The following ATP8A2 variants were observed in gnomAD, a reference collection of about 807,000 sequenced individuals.
ATP8A2 encodes phospholipid-transporting ATPase IB.
A neutral mutation model predicts 165.6 loss-of-function variants in ATP8A2; 100 were observed. That is an observed-to-expected ratio of 0.60 (90% CI 0.51 to 0.71). The LOEUF (loss-of-function observed/expected upper bound fraction) is 0.71. Ranked by LOEUF, ATP8A2 falls within the 30% of genes least tolerant of loss-of-function variation. The pLI, the probability that ATP8A2 is intolerant of heterozygous loss-of-function variation, is 0.00. For missense variants in ATP8A2, 1,227 were observed against 1,479.5 expected (o/e 0.83, Z 2.80); for synonymous variants, 543 against 548.8 (o/e 0.99, Z 0.15).
intron 24 of ATP8A2, among the ~76,000 whole-genome samples, chr13:25,619,595 C>T (rs1192313749): frequency 6.6e-6 from 1 of 152,028 alleles, no homozygotes; most frequent in Non-Finnish European, 1.5e-5. Context: ...TGTAGCACAG[C>T]AGATGTGAGA....
chr13:25,874,659 G>C (rs1026917537), intron 33 of ATP8A2, among the ~76,000 whole-genome samples: 6 of 152,120 alleles, frequency 3.9e-5, no homozygotes, highest in African/African-American at 1.4e-4. Flanking sequence ...CAGCACGGAG[G>C]TGGCTCAAGA....
At chr13:25,726,354 G>A (rs1208887599) in intron 25 of ATP8A2, among the ~76,000 whole-genome samples, 4 of 152,182 alleles carry the variant, frequency 2.6e-5, no homozygotes, top group Admixed American at 2.6e-4. Flanking sequence ...GGGCATGTTC[G>A]TTTCCTGTTG....
intron 24 of ATP8A2, among the ~76,000 whole-genome samples, chr13:25,608,408 G>A (rs1320284776): frequency 6.6e-6 from 1 of 152,178 alleles, no homozygotes; most frequent in East Asian, 1.9e-4. Context: ...AGGATTACAT[G>A]ACAGTATGTT....
At chr13:25,781,269 A>T (rs1488134011) in intron 27 of ATP8A2, among the ~76,000 whole-genome samples, 2 of 149,640 alleles carry the variant, frequency 1.3e-5, no homozygotes, top group East Asian at 3.9e-4. Flanking sequence ...ACTGCGTCTC[A>T]AAAAAAAAAG....
intron 28 of ATP8A2, among the ~76,000 whole-genome samples, chr13:25,829,676 A>ATGTG (rs1951409586): frequency 5.5e-5 from 1 of 18,330 alleles, no homozygotes; most frequent in African/African-American, 2.3e-4. Context: ...TGGTATATAT[A>ATGTG]TATATATATA....
chr13:26,011,521 T>A (rs1351756171), intron 35 of ATP8A2, among the ~76,000 whole-genome samples: 1 of 152,196 alleles, frequency 6.6e-6, no homozygotes, highest in Non-Finnish European at 1.5e-5. Context: ...GCCCATAATC[T>A]ATTATGCCTC....
intron 35 of ATP8A2, among the ~76,000 whole-genome samples, chr13:25,980,831 G>A (rs542668128): frequency 1.5e-4 from 23 of 152,226 alleles, no homozygotes; most frequent in African/African-American, 9.6e-5. Context: ...TGATTACAGC[G>A]TGTGAACAGA....
At chr13:25,519,579 G>A (rs1200429279) in intron 2 of ATP8A2, among the ~76,000 whole-genome samples, 4 of 152,062 alleles carry the variant, frequency 2.6e-5, no homozygotes, top group Non-Finnish European at 5.9e-5. Flanking sequence ...CCAGTTTCAG[G>A]AAACACTGGC....
chr13:25,877,235 C>CT (rs1395301125), intron 33 of ATP8A2, among the ~76,000 whole-genome samples: 4 of 152,068 alleles, frequency 2.6e-5, no homozygotes, highest in Admixed American at 6.5e-5. Flanking sequence ...CCCCCAAAAA[C>CT]TTTTTTTAAA....
chr13:25,671,232 T>C (rs1218617560), intron 24 of ATP8A2, among the ~76,000 whole-genome samples: 1 of 152,214 alleles, frequency 6.6e-6, no homozygotes, highest in Non-Finnish European at 1.5e-5. Context: ...CTGTCTTTAC[T>C]TTAGTCTCTC....
At position 25,997,380 on chromosome 13, in the gene ATP8A2, G is replaced by A. The variant is rs763700630; in HGVS notation, c.3378-15151G>A. 4.6e-5 allele frequency among the ~76,000 whole-genome samples: 7 copies of A among 152,148 alleles called. No homozygotes were observed. The East Asian group carries it at 5.8e-4, about 13-fold the overall frequency. On this transcript the variant is annotated intron_variant, in intron 35 of 36. Transcript: ENST00000381655. The stretch of plus-strand genomic sequence containing the variant: ...TTTGGCTGCCTTTGGAATCTTTGTC[G>A]TTGGTTTTTGGCAGTGTAATTAAAA...
intron 25 of ATP8A2, among the ~76,000 whole-genome samples, chr13:25,712,746 G>A (rs3132342): frequency 0.99 from 150,087 of 152,348 alleles, 73,971 homozygotes; most frequent in East Asian, 1. Flanking sequence ...AGAATTTTTA[G>A]TCAACTGGAG....
intron 27 of ATP8A2, among the ~76,000 whole-genome samples, chr13:25,810,708 A>G (rs925715848): frequency 6.6e-6 from 1 of 152,170 alleles, no homozygotes; most frequent in African/African-American, 2.4e-5. Context: ...TAAAAAGCTC[A>G]AATACTGGGA....
intron 25 of ATP8A2, among the ~76,000 whole-genome samples, chr13:25,741,468 G>C (rs564091334): frequency 1.1e-3 from 175 of 152,234 alleles, no homozygotes; most frequent in African/African-American, 3.9e-3. Flanking sequence ...GCAGCCGCAA[G>C]CTCCCTGGAC....
At chr13:25,545,806 T>C (rs1276034434) in intron 10 of ATP8A2, among the ~76,000 whole-genome samples, 1 of 152,202 alleles carries the variant, frequency 6.6e-6, no homozygotes, top group African/African-American at 2.4e-5. Context: ...GGCTAATTTT[T>C]GTATTTTTTG....
Position 26,020,087 on chromosome 13 carries a change from C to A in ATP8A2, c.*102C>A. On this transcript the variant is annotated 3_prime_UTR_variant, in exon 37 of 37. Transcript: ENST00000381655. ...AAGACTGGCGTCAGCAGCCAAAACA[C>A]CAGGAAACACATTTCTGTGGCCTTA... 1 of 814,524 alleles carries A rather than the reference C, an allele frequency of 1.2e-6. No homozygotes were observed. Among genetic ancestry groups the A allele is most frequent in the South Asian group, 1.6e-5 (1 of 63,432 alleles). The allele number at this position is 814,524 out of a possible 1,614,324, so 50.5% of individuals were successfully genotyped here.
At chr13:25,672,040 AG>A (rs1487447201) in intron 24 of ATP8A2, among the ~76,000 whole-genome samples, 4 of 152,296 alleles carry the variant, frequency 2.6e-5, no homozygotes, top group Admixed American at 6.5e-5. Context: ...AAAATAGAAA[AG>A]AACCTACATG....
In ATP8A2 at chr13:26,024,192, A is replaced by T. The variant is rs1257438394; in HGVS notation, c.*4207A>T. 4 of 152,154 alleles carry T rather than the reference A, an allele frequency of 2.6e-5. No homozygotes were observed. The highest frequency in any genetic ancestry group is 9.7e-5 in the African/African-American group (4 of 41,422). 9.4% of individuals were successfully genotyped at this position (152,154 alleles called of 1,614,324 possible). On this transcript the variant is annotated 3_prime_UTR_variant, in exon 37 of 37. Transcript: ENST00000381655. ...CCATTTTTCCATCCTGAAGGCCAAG[A>T]AGGACTATTAGAAGGGTTTTTGAGG...
intron 1 of ATP8A2, among the ~76,000 whole-genome samples, chr13:25,384,382 T>C (rs907993908): frequency 6.6e-6 from 1 of 152,216 alleles, no homozygotes; most frequent in Non-Finnish European, 1.5e-5. Flanking sequence ...GAAGTCCTCT[T>C]GTCTCATGTC....
Sources: gnomAD v4.1 joint callset for allele counts (sites outside exome capture counted in the v4.1 genomes callset) on GRCh38, gnomAD v4.1.1 for gene constraint, MANE v1.5 for transcripts, NCBI Gene and HGNC (gene_info 2026-07-23, HGNC 2026-07-21) for gene names.